Variants in CCDC7 observed in about 807,000 individuals in gnomAD.
The protein encoded by CCDC7 is coiled-coil domain containing 7.
In CCDC7, 183 loss-of-function variants were observed where a neutral mutation model predicts 196.9. The observed-to-expected ratio is 0.93, with a 90% CI of 0.82 to 1.05. CCDC7 has a LOEUF of 1.05. Among genes scored for constraint, CCDC7 ranks in the 50% least tolerant of loss-of-function variants. CCDC7 has a pLI of 0.00. For missense variants in CCDC7, 1,540 were observed against 1,482.2 expected (o/e 1.04, Z -0.64); for synonymous variants, 525 against 484.6 (o/e 1.08, Z -1.10).
chr10:32,567,385 T>C (rs2056982023), intron 14 of CCDC7, among the ~76,000 whole-genome samples: 1 of 152,024 alleles, frequency 6.6e-6, no homozygotes, highest in Non-Finnish European at 1.5e-5. Flanking sequence ...TGAATTTTTA[T>C]TTTGCTTGTA....
intron 18 of CCDC7, among the ~76,000 whole-genome samples, chr10:32,614,094 AT>A (rs2062492382): frequency 6.6e-6 from 1 of 152,106 alleles, no homozygotes; most frequent in African/African-American, 2.4e-5. Flanking sequence ...GTGTTCCTGT[AT>A]TGGGTGAATA....
intron 28 of CCDC7, among the ~76,000 whole-genome samples, chr10:32,758,931 C>T (rs896675243): frequency 2.6e-5 from 4 of 152,140 alleles, no homozygotes; most frequent in African/African-American, 9.7e-5. Flanking sequence ...GCAAAAATCA[C>T]AAACATTCCT....
chr10:32,623,790 G>C, intron 18 of CCDC7: 1 of 470,360 alleles, frequency 2.1e-6, no homozygotes, highest in South Asian at 1.5e-5. Context: ...CGTGCAGGAA[G>C]GTGAAGTGGG....
chr10:32,777,723 G>T (rs964660300), intron 28 of CCDC7, among the ~76,000 whole-genome samples: 1 of 152,056 alleles, frequency 6.6e-6, no homozygotes, highest in African/African-American at 2.4e-5. Context: ...AATTAGCCAG[G>T]TATGGTGGCA....
At chr10:32,788,024 G>A (rs2134517524) in intron 29 of CCDC7, among the ~76,000 whole-genome samples, 1 of 152,266 alleles carries the variant, frequency 6.6e-6, no homozygotes, top group South Asian at 2.1e-4. Context: ...GCCCACCTCA[G>A]CACTAGGCTG....
intron 9 of CCDC7, among the ~76,000 whole-genome samples, chr10:32,503,210 A>G (rs2044352242): frequency 6.6e-6 from 1 of 152,092 alleles, no homozygotes; most frequent in South Asian, 2.1e-4. Flanking sequence ...GAGAGTGGGT[A>G]TCCTTGTTTT....
intron 20 of CCDC7, among the ~76,000 whole-genome samples, chr10:32,658,557 T>C (rs1195955370): frequency 6.6e-6 from 1 of 152,168 alleles, no homozygotes; most frequent in African/African-American, 2.4e-5. Flanking sequence ...ATGGGGATTA[T>C]GGAAACTACA....
At chr10:32,547,165 G>A (rs117159111) in intron 13 of CCDC7, among the ~76,000 whole-genome samples, 5,877 of 152,112 alleles carry the variant, frequency 0.039, 118 homozygotes, top group Middle Eastern at 0.051. Flanking sequence ...CTACAGGCAT[G>A]CACCATCACA....
intron 21 of CCDC7, among the ~76,000 whole-genome samples, chr10:32,664,791 T>C (rs10160127): frequency 0.11 from 16,062 of 152,068 alleles, 1,042 homozygotes; most frequent in South Asian, 0.25. Context: ...TACAAATATC[T>C]CTTTTATATA....
At chr10:32,826,087 T>A (rs1186271375) in intron 32 of CCDC7, among the ~76,000 whole-genome samples, 1 of 152,150 alleles carries the variant, frequency 6.6e-6, no homozygotes. Context: ...GTGATGGCCT[T>A]CCCTGAGGCA....
intron 29 of CCDC7, among the ~76,000 whole-genome samples, chr10:32,790,874 C>G (rs990239016): frequency 3.3e-5 from 5 of 152,172 alleles, no homozygotes; most frequent in African/African-American, 4.8e-5. Context: ...TTGCAAGACA[C>G]TAAGCACAGG....
At chr10:32,698,728 T>A (rs935742803) in intron 24 of CCDC7, among the ~76,000 whole-genome samples, 15 of 152,302 alleles carry the variant, frequency 9.8e-5, no homozygotes, top group African/African-American at 3.4e-4. Context: ...CTGCATTTGA[T>A]TGGTGTACCT....
intron 18 of CCDC7, among the ~76,000 whole-genome samples, chr10:32,622,163 A>G (rs945581023): frequency 1.3e-5 from 2 of 152,012 alleles, no homozygotes; most frequent in Non-Finnish European, 2.9e-5. Flanking sequence ...CTCTTGGCTA[A>G]CTCTCACTCT....
chr10:32,614,649 C>T (rs1404058643), intron 18 of CCDC7, among the ~76,000 whole-genome samples: 1 of 152,056 alleles, frequency 6.6e-6, no homozygotes, highest in African/African-American at 2.4e-5. Context: ...AATTTTTCAA[C>T]CCTCCCACAT....
intron 41 of CCDC7, among the ~76,000 whole-genome samples, chr10:32,862,426 G>A (rs2094033785): frequency 6.6e-6 from 1 of 151,798 alleles, no homozygotes; most frequent in African/African-American, 2.4e-5. Context: ...GGGGTTGGGG[G>A]GCTAGGGGAG....
At chr10:32,808,985 G>T (rs2086468592) in intron 30 of CCDC7, among the ~76,000 whole-genome samples, 1 of 152,102 alleles carries the variant, frequency 6.6e-6, no homozygotes. Context: ...GGCCAGCCTT[G>T]GTTCAAGACC....
intron 28 of CCDC7, among the ~76,000 whole-genome samples, chr10:32,749,620 A>C (rs1220560835): frequency 6.6e-6 from 1 of 152,184 alleles, no homozygotes; most frequent in South Asian, 2.1e-4. Context: ...AAAATTAGAG[A>C]AAATATTTTT....
chr10:32,677,012 A>G (rs532672687), intron 21 of CCDC7, among the ~76,000 whole-genome samples: 1 of 150,210 alleles, frequency 6.7e-6, no homozygotes, highest in South Asian at 2.1e-4. Flanking sequence ...AATGTGGCAC[A>G]TACCATGGAA....
At chr10:32,646,423 A>T (rs187881516) in intron 20 of CCDC7, among the ~76,000 whole-genome samples, 1 of 152,158 alleles carries the variant, frequency 6.6e-6, no homozygotes, top group Non-Finnish European at 1.5e-5. Context: ...AAAAATTGTT[A>T]AAACTTGTTT....
Sources: gnomAD v4.1 joint callset for allele counts (sites outside exome capture counted in the v4.1 genomes callset) on GRCh38, gnomAD v4.1.1 for gene constraint, MANE v1.5 for transcripts, NCBI Gene and HGNC (gene_info 2026-07-23, HGNC 2026-07-21) for gene names.